The following PPP1R9A variants were observed in gnomAD, a reference collection of about 807,000 sequenced individuals.
PPP1R9A encodes neurabin-1.
A neutral mutation model predicts 141.9 loss-of-function variants in PPP1R9A; 59 were observed. The observed-to-expected ratio is 0.42, with a 90% CI of 0.34 to 0.52. The LOEUF (loss-of-function observed/expected upper bound fraction) is 0.52. PPP1R9A is among the 20% of genes least tolerant of loss of function. The pLI, the probability that PPP1R9A is intolerant of heterozygous loss-of-function variation, is 0.10. For synonymous variants in PPP1R9A, 500 were observed against 569.7 expected (o/e 0.88, Z 1.74); for missense variants, 1,444 against 1,611.9 (o/e 0.90, Z 1.78).
chr7:95,046,919 GA>G (rs1256782423), intron 2 of PPP1R9A, among the ~76,000 whole-genome samples: 5 of 152,194 alleles, frequency 3.3e-5, no homozygotes, highest in Non-Finnish European at 5.9e-5. Context: ...CCTTCTCAGA[GA>G]AACGGTTTGC....
At chr7:95,139,170 C>T (rs1356762148) in intron 4 of PPP1R9A, among the ~76,000 whole-genome samples, 2 of 152,178 alleles carry the variant, frequency 1.3e-5, no homozygotes, top group Admixed American at 1.3e-4. Flanking sequence ...TTAATTGACT[C>T]ACAGTTCAGC....
chr7:95,165,847 T>C (rs1831155505), intron 5 of PPP1R9A, among the ~76,000 whole-genome samples: 1 of 152,076 alleles, frequency 6.6e-6, no homozygotes, highest in Non-Finnish European at 1.5e-5. Flanking sequence ...AAGAAAACTA[T>C]AAATGTTATT....
At chr7:95,128,838 A>G (rs182853458) in intron 4 of PPP1R9A, among the ~76,000 whole-genome samples, 95 of 152,296 alleles carry the variant, frequency 6.2e-4, no homozygotes, top group Non-Finnish European at 1.2e-3. Flanking sequence ...TCGGCCTCCC[A>G]AAGTGCTGGG....
chr7:94,979,938 A>G (rs1282373664), intron 2 of PPP1R9A, among the ~76,000 whole-genome samples: 1 of 152,102 alleles, frequency 6.6e-6, no homozygotes, highest in East Asian at 1.9e-4. Context: ...CCTTTTTAGT[A>G]TTTACCTGTA....
At chr7:94,942,866 A>G (rs1439258565) in intron 2 of PPP1R9A, among the ~76,000 whole-genome samples, 1 of 151,784 alleles carries the variant, frequency 6.6e-6, no homozygotes, top group Non-Finnish European at 1.5e-5. Context: ...AAAGTTTGCC[A>G]ACTGCTGATT....
chr7:94,949,907 CTT>C (rs201956798), intron 2 of PPP1R9A, among the ~76,000 whole-genome samples: 24 of 118,024 alleles, frequency 2.0e-4, no homozygotes, highest in Admixed American at 3.3e-4. Flanking sequence ...TAAAACAGTT[CTT>C]TTTTTTTTTT....
At chr7:95,007,992 A>C (rs1343675978) in intron 2 of PPP1R9A, among the ~76,000 whole-genome samples, 1 of 152,128 alleles carries the variant, frequency 6.6e-6, no homozygotes, top group Non-Finnish European at 1.5e-5. Context: ...GAATTACTTG[A>C]ACCTGGGAGG....
At chr7:95,230,586 C>A (rs145431750) in intron 8 of PPP1R9A, among the ~76,000 whole-genome samples, 2 of 151,960 alleles carry the variant, frequency 1.3e-5, no homozygotes, top group African/African-American at 4.8e-5. Context: ...TCAAATTAAC[C>A]CAGTCCACCA....
chr7:94,965,483 A>C (rs561423978), intron 2 of PPP1R9A, among the ~76,000 whole-genome samples: 63 of 152,034 alleles, frequency 4.1e-4, no homozygotes, highest in Non-Finnish European at 8.5e-4. Flanking sequence ...ATCCATCTTG[A>C]ATTAATTTTT....
chr7:94,969,387 C>G (rs1011054122), intron 2 of PPP1R9A, among the ~76,000 whole-genome samples: 1 of 152,118 alleles, frequency 6.6e-6, no homozygotes, highest in African/African-American at 2.4e-5. Context: ...AGTTTTCCTT[C>G]TAACAGTCAG....
At chr7:95,064,600 C>T (rs1812702883) in intron 2 of PPP1R9A, among the ~76,000 whole-genome samples, 2 of 152,188 alleles carry the variant, frequency 1.3e-5, no homozygotes. Context: ...TGGGAACGTG[C>T]CCATTGGGCA....
intron 3 of PPP1R9A, among the ~76,000 whole-genome samples, chr7:95,111,676 C>G (rs1210394470): frequency 6.6e-6 from 1 of 152,064 alleles, no homozygotes; most frequent in African/African-American, 2.4e-5. Flanking sequence ...CTGGAAAGGG[C>G]TGCTACAGCT....
At chr7:95,175,377 G>A (rs1001674805) in intron 5 of PPP1R9A, among the ~76,000 whole-genome samples, 11 of 151,794 alleles carry the variant, frequency 7.2e-5, no homozygotes, top group African/African-American at 2.7e-4. Context: ...AATTTATGTT[G>A]CATACCCAAC....
intron 6 of PPP1R9A, among the ~76,000 whole-genome samples, chr7:95,201,733 A>G (rs1004791016): frequency 8.5e-5 from 13 of 152,206 alleles, no homozygotes; most frequent in Non-Finnish European, 1.8e-4. Context: ...ATTGATTAGT[A>G]TATCTTTGTT....
chr7:95,140,193 G>T (rs1051369693), intron 4 of PPP1R9A, among the ~76,000 whole-genome samples: 1 of 152,106 alleles, frequency 6.6e-6, no homozygotes, highest in Admixed American at 6.5e-5. Context: ...ACTAGAGAAG[G>T]CCATGCTTTT....
rs148038903 is a variant in PPP1R9A at position 95,198,501 on chromosome 7, A to G, written c.1890+17A>G. 6.3e-3 allele frequency: 9,576 copies of G among 1,526,946 alleles called. 188 individuals are homozygous for G. In the Admixed American group the frequency reaches 0.066, roughly 10 times the overall value. The allele number at this position is 1,526,946 out of a possible 1,614,324, so 94.6% of individuals were successfully genotyped here. On this transcript the variant is annotated intron_variant, in intron 6 of 19. Coordinates refer to ENST00000433360, the MANE Select transcript of PPP1R9A (RefSeq NM_001166160.2). ...GATGACGAGGTCAGTAGTGCTTGCA[A>G]AGATTCTTTTTCCCACATTTTCTAA...
chr7:94,963,931 C>T (rs1797923726), intron 2 of PPP1R9A, among the ~76,000 whole-genome samples: 3 of 152,020 alleles, frequency 2.0e-5, no homozygotes, highest in Non-Finnish European at 4.4e-5. Context: ...ATTTTATTAC[C>T]CTTTGTCTGA....
At chr7:95,240,268 C>T (rs1441563925) in intron 8 of PPP1R9A, among the ~76,000 whole-genome samples, 2 of 151,988 alleles carry the variant, frequency 1.3e-5, no homozygotes, top group Admixed American at 6.6e-5. Flanking sequence ...ATTGTTTTCA[C>T]CTTGTACTTT....
At chr7:95,095,655 G>T (rs1018474775) in intron 2 of PPP1R9A, among the ~76,000 whole-genome samples, 9 of 152,170 alleles carry the variant, frequency 5.9e-5, no homozygotes, top group Non-Finnish European at 1.0e-4. Context: ...AAGTCTAAAT[G>T]GAAGGGACAA....
Sources: gnomAD v4.1 joint callset for allele counts (sites outside exome capture counted in the v4.1 genomes callset) on GRCh38, gnomAD v4.1.1 for gene constraint, MANE v1.5 for transcripts, NCBI Gene and HGNC (gene_info 2026-07-23, HGNC 2026-07-21) for gene names.